FRMD4B: variants seen among roughly 807,000 people sequenced by gnomAD.
FRMD4B encodes FERM domain-containing protein 4B.
Under a neutral mutation model 141.5 loss-of-function variants are expected in FRMD4B, and 74 were observed. That is an observed-to-expected ratio of 0.52 (90% CI 0.43 to 0.63). FRMD4B has a LOEUF of 0.63. Among genes scored for constraint, FRMD4B ranks in the 30% least tolerant of loss-of-function variants. The pLI, the probability that FRMD4B is intolerant of heterozygous loss-of-function variation, is 0.00. For synonymous variants in FRMD4B, 506 were observed against 467.9 expected (o/e 1.08, Z -1.05); for missense variants, 1,366 against 1,253.4 (o/e 1.09, Z -1.36).
chr3:69,326,911 C>A (rs1183447484), intron 1 of FRMD4B, among the ~76,000 whole-genome samples: 2 of 152,096 alleles, frequency 1.3e-5, no homozygotes, highest in African/African-American at 4.8e-5. Flanking sequence ...TTGCTTAAAA[C>A]CAGTTGTTAG....
In FRMD4B at chr3:69,342,746, T is replaced by C. The variant is rs57878294; in HGVS notation, c.163-29229A>G. ...TTAGTATATCCATCATTTCAAACATTTATCATTTCTTTATGTTGGGAACAT... is the reference window on the plus strand; with the variant it reads ...TTAGTATATCCATCATTTCAAACATCTATCATTTCTTTATGTTGGGAACAT... On this transcript the variant is annotated intron_variant, in intron 1 of 22. Transcript: ENST00000398540. Among the ~76,000 whole-genome samples, 999 of 152,274 alleles carry C rather than the reference T, an allele frequency of 6.6e-3. 12 individuals carry two copies. The highest frequency in any genetic ancestry group is 0.023 in the African/African-American group (973 of 41,544).
intron 1 of FRMD4B, among the ~76,000 whole-genome samples, chr3:69,496,575 T>A (rs1706391407): frequency 7.3e-6 from 1 of 137,112 alleles, no homozygotes; most frequent in Non-Finnish European, 1.5e-5. Flanking sequence ...GAAGCCAGCA[T>A]AAAGAAGAGT....
chr3:69,344,354 CAGA>C (rs1229289733), intron 1 of FRMD4B, among the ~76,000 whole-genome samples: 1 of 151,572 alleles, frequency 6.6e-6, no homozygotes, highest in Non-Finnish European at 1.5e-5. Flanking sequence ...AGAAAAAGGA[CAGA>C]AGGAGGGAGG....
intron 5 of FRMD4B, among the ~76,000 whole-genome samples, chr3:69,286,841 G>C (rs1295475253): frequency 6.6e-6 from 1 of 152,218 alleles, no homozygotes; most frequent in African/African-American, 2.4e-5. Flanking sequence ...GTCTAACTCT[G>C]TCGCCCAGGC....
intron 1 of FRMD4B, among the ~76,000 whole-genome samples, chr3:69,526,436 C>T (rs1700931697): frequency 6.6e-6 from 1 of 152,160 alleles, no homozygotes; most frequent in East Asian, 1.9e-4. Flanking sequence ...TAGTCTATCT[C>T]AGGATCTGCT....
At chr3:69,228,518 C>A in intron 7 of FRMD4B, 3 of 447,594 alleles carry the variant, frequency 6.7e-6, no homozygotes, top group Middle Eastern at 3.3e-4. Flanking sequence ...TGATAGAGAT[C>A]AAAACTTTAA....
chr3:69,373,561 TAG>T (rs1194082536), intron 1 of FRMD4B, among the ~76,000 whole-genome samples: 1 of 152,148 alleles, frequency 6.6e-6, no homozygotes, highest in Non-Finnish European at 1.5e-5. Context: ...GTCTGACATA[TAG>T]AGAAATGTTT....
intron 1 of FRMD4B, among the ~76,000 whole-genome samples, chr3:69,499,668 T>G (rs1706460536): frequency 6.6e-6 from 1 of 152,128 alleles, no homozygotes; most frequent in African/African-American, 2.4e-5. Flanking sequence ...ATCTTATTAT[T>G]CTATCTGCAG....
At chr3:69,301,745 A>G (rs1006893439) in intron 4 of FRMD4B, among the ~76,000 whole-genome samples, 2 of 152,260 alleles carry the variant, frequency 1.3e-5, no homozygotes, top group Non-Finnish European at 2.9e-5. Context: ...ATTTCAGGAT[A>G]CAGTTAAGTG....
chr3:69,285,860 T>C (rs932847703), intron 5 of FRMD4B, among the ~76,000 whole-genome samples: 1 of 149,448 alleles, frequency 6.7e-6, no homozygotes, highest in African/African-American at 2.5e-5. Context: ...AAAAAAAAAA[T>C]AATTGCTCAA....
chr3:69,398,647 A>T lies in FRMD4B; in HGVS notation c.-1+33987T>A, dbSNP rs187810171. 8.5e-5 allele frequency among the ~76,000 whole-genome samples: 13 copies of T among 152,318 alleles called. No homozygotes were observed. The South Asian group carries it at 2.3e-3, about 27-fold the overall frequency. On this transcript the variant is annotated intron_variant, in intron 2 of 5. Coordinates refer to the FRMD4B transcript ENST00000459638. Reference sequence around the variant, plus strand: ...CTTATTTCCAGGGCTGCCATGTAAGATTGTTCAAGATGCCAGTTGCACAAG... The same window carrying T: ...CTTATTTCCAGGGCTGCCATGTAAGTTTGTTCAAGATGCCAGTTGCACAAG...
At chr3:69,235,236 G>C (rs1001265323) in intron 7 of FRMD4B, among the ~76,000 whole-genome samples, 18 of 151,248 alleles carry the variant, frequency 1.2e-4, no homozygotes, top group Middle Eastern at 3.2e-3. Context: ...TCCTTAAATT[G>C]TAGAGATGGT....
chr3:69,456,747 AAAAG>A (rs1458153613), intron 1 of FRMD4B, among the ~76,000 whole-genome samples: 5 of 152,144 alleles, frequency 3.3e-5, no homozygotes, highest in African/African-American at 9.7e-5. Context: ...AAAAAAAAAA[AAAAG>A]CATATGTCTG....
chr3:69,172,171 C>T (rs1442333425), intron 22 of FRMD4B, among the ~76,000 whole-genome samples, 190 bp from the exon 23 acceptor site: 1 of 152,066 alleles, frequency 6.6e-6, no homozygotes, highest in African/African-American at 2.4e-5. Context: ...GTTTAACAGG[C>T]CCATAAAAAG....
At chr3:69,252,764 A>T (rs1450036560) in intron 5 of FRMD4B, among the ~76,000 whole-genome samples, 1 of 152,180 alleles carries the variant, frequency 6.6e-6, no homozygotes, top group Non-Finnish European at 1.5e-5. Flanking sequence ...TTTTACTCTC[A>T]ACCATGGCAA....
chr3:69,315,621 G>A (rs1293678083), intron 1 of FRMD4B, among the ~76,000 whole-genome samples: 1 of 152,106 alleles, frequency 6.6e-6, no homozygotes, highest in Non-Finnish European at 1.5e-5. Flanking sequence ...AATGATTCTT[G>A]TTGATCTTTC....
At chr3:69,326,778 T>A (rs912541682) in intron 1 of FRMD4B, among the ~76,000 whole-genome samples, 1 of 152,232 alleles carries the variant, frequency 6.6e-6, no homozygotes, top group African/African-American at 2.4e-5. Flanking sequence ...TCTCTTTATA[T>A]TCTGACTGTG....
intron 2 of FRMD4B, among the ~76,000 whole-genome samples, chr3:69,419,921 A>G (rs1348311331): frequency 2.6e-5 from 4 of 152,210 alleles, no homozygotes; most frequent in African/African-American, 7.2e-5. Context: ...CAATGGCACA[A>G]TCTTGGCTCA....
At chr3:69,263,784 C>T (rs139321291) in intron 5 of FRMD4B, among the ~76,000 whole-genome samples, 135 of 147,470 alleles carry the variant, frequency 9.2e-4, no homozygotes, top group Non-Finnish European at 1.1e-3. Flanking sequence ...TTACTTGTAT[C>T]CTTTTCCATC....
Sources: allele counts gnomAD v4.1 joint callset (sites outside exome capture counted in the v4.1 genomes callset), GRCh38; gene constraint gnomAD v4.1.1; transcripts MANE v1.5; gene names NCBI Gene and HGNC (gene_info 2026-07-23, HGNC 2026-07-21).